JAKMIP2: variants seen among roughly 807,000 people sequenced by gnomAD.
JAKMIP2 encodes the protein janus kinase and microtubule-interacting protein 2.
JAKMIP2 carries 25 observed loss-of-function variants against 115.0 expected under a neutral mutation model. That is an observed-to-expected ratio of 0.22 (90% CI 0.16 to 0.30). The LOEUF (loss-of-function observed/expected upper bound fraction) is 0.30, where lower values mean the gene tolerates loss of function less well. Among genes scored for constraint, JAKMIP2 ranks in the 10% least tolerant of loss-of-function variants. The pLI is 1.00. For missense variants in JAKMIP2, 642 were observed against 957.6 expected, an observed-to-expected ratio of 0.67 and a Z score of 4.35; for synonymous variants, 334 against 343.6, an observed-to-expected ratio of 0.97 and a Z score of 0.31.
intron 21 of JAKMIP2, chr5:147,595,523 T>G (rs1464159096): frequency 2.2e-6 from 1 of 455,300 alleles, no homozygotes; most frequent in Non-Finnish European, 4.4e-6. Context: ...CGATCTTCAA[T>G]TTCCAGCCTC....
chr5:147,776,797 G>T (rs1755573626), intron 1 of JAKMIP2, among the ~76,000 whole-genome samples: 1 of 151,996 alleles, frequency 6.6e-6, no homozygotes, highest in African/African-American at 2.4e-5. Flanking sequence ...GCACGGTGGT[G>T]AGCACCTGTA....
At chr5:147,596,572 C>A (rs574473768) in intron 21 of JAKMIP2, among the ~76,000 whole-genome samples, 1 of 152,162 alleles carries the variant, frequency 6.6e-6, no homozygotes, top group Non-Finnish European at 1.5e-5. Flanking sequence ...ATTCATTTTC[C>A]CAGCTATTCA....
Position 147,587,242 on chromosome 5 carries a change from T to C in JAKMIP2, c.*4465A>G, listed in dbSNP as rs888992981. ...ATCTAAGATTTGCTTTGAATGTTTATCATTCAAAAGTTATATTGAATTTTT... is the reference window on the plus strand; with the variant it reads ...ATCTAAGATTTGCTTTGAATGTTTACCATTCAAAAGTTATATTGAATTTTT... On this transcript the variant is annotated 3_prime_UTR_variant, in exon 22 of 22. Coordinates refer to ENST00000616793, the MANE Select transcript of JAKMIP2 (RefSeq NM_001270941.2). The C allele has an allele frequency of 6.6e-6, 1 of 152,190 alleles. No homozygotes were observed. Among genetic ancestry groups the C allele is most frequent in the Admixed American group, 6.5e-5 (1 of 15,278 alleles). 9.4% of individuals were successfully genotyped at this position (152,190 alleles called of 1,614,324 possible). A position where few individuals can be genotyped will look rare whatever the true frequency, so the allele number is the denominator to read the frequency against.
intron 17 of JAKMIP2, among the ~76,000 whole-genome samples, chr5:147,621,914 C>T (rs996258991): frequency 6.6e-5 from 10 of 152,132 alleles, no homozygotes; most frequent in African/African-American, 2.4e-4. Context: ...GTTGCCCAGG[C>T]TGGAGTGCAA....
intron 1 of JAKMIP2, among the ~76,000 whole-genome samples, chr5:147,742,155 A>ATATATATATATTTTTTT: frequency 2.4e-4 from 26 of 108,874 alleles, no homozygotes; most frequent in African/African-American, 8.3e-4. Flanking sequence ...ATATATATAT[A>ATATATATATATTTTTTT]TTTTTTTTAC....
chr5:147,774,663 A>G (rs895802436), intron 1 of JAKMIP2, among the ~76,000 whole-genome samples: 4 of 152,290 alleles, frequency 2.6e-5, no homozygotes, highest in Admixed American at 2.0e-4. Flanking sequence ...AGGGCCTTAA[A>G]TATACGTCAG....
chr5:147,705,420 T>C (rs1026562960), intron 1 of JAKMIP2, among the ~76,000 whole-genome samples: 14 of 152,044 alleles, frequency 9.2e-5, no homozygotes, highest in Non-Finnish European at 1.8e-4. Context: ...CTGTGCAACA[T>C]GGAGAAACCC....
intron 5 of JAKMIP2, among the ~76,000 whole-genome samples, chr5:147,647,800 C>G (rs2061909520): frequency 6.6e-6 from 1 of 152,228 alleles, no homozygotes. Flanking sequence ...AATTCTACTC[C>G]TCTGCATATT....
At chr5:147,743,041 C>T (rs1295363032) in intron 1 of JAKMIP2, among the ~76,000 whole-genome samples, 2 of 152,096 alleles carry the variant, frequency 1.3e-5, no homozygotes, top group Non-Finnish European at 2.9e-5. Flanking sequence ...CCAAATAGTA[C>T]CTGTAATCAT....
At chr5:147,689,944 A>T (rs938929486) in intron 1 of JAKMIP2, among the ~76,000 whole-genome samples, 1 of 152,228 alleles carries the variant, frequency 6.6e-6, no homozygotes, top group Non-Finnish European at 1.5e-5. Context: ...TAACTATGTA[A>T]GTTACATAGT....
Position 147,633,163 on chromosome 5 carries a change from T to C in JAKMIP2, c.1678-385A>G, listed in dbSNP as rs1456420193. 2.0e-5 allele frequency among the ~76,000 whole-genome samples: 3 copies of C among 152,032 alleles called. 1 individual carries two copies. The South Asian group carries it at 6.2e-4, about 32-fold the overall frequency. On this transcript the variant is annotated intron_variant, in intron 12 of 21. Transcript: ENST00000616793. ...TCTCGAGTTATATTTGTTACAGAAATTTTTTTTAACAGCTATCATCATACA... is the reference window on the plus strand; with the variant it reads ...TCTCGAGTTATATTTGTTACAGAAACTTTTTTTAACAGCTATCATCATACA...
intron 1 of JAKMIP2, among the ~76,000 whole-genome samples, chr5:147,711,557 C>T (rs781253450): frequency 2.0e-5 from 3 of 152,176 alleles, no homozygotes; most frequent in Non-Finnish European, 4.4e-5. Flanking sequence ...TTTATTAAGC[C>T]TCAGTTTCCT....
intron 1 of JAKMIP2, among the ~76,000 whole-genome samples, chr5:147,716,632 A>C (rs1332943130): frequency 6.6e-6 from 1 of 151,338 alleles, no homozygotes; most frequent in African/African-American, 2.4e-5. Context: ...TTTTGGCTGC[A>C]TAAATGTCTT....
intron 9 of JAKMIP2, 117 bp from the exon 10 acceptor site, chr5:147,639,877 T>C: frequency 8.5e-7 from 1 of 1,176,884 alleles, no homozygotes; most frequent in Non-Finnish European, 1.2e-6. Context: ...TTTAACAGTC[T>C]ATTTGATTTT....
rs539818341 is a variant in JAKMIP2, at chr5:147,758,866, C to T, written c.-149+23590G>A. On this transcript the variant is annotated intron_variant, in intron 1 of 21. Transcript: ENST00000616793. ...AGTCCCAAGAATGCAATTTATTGAA[C>T]TATGTATAGTGCAGGTGCATTGTTT... 3.1e-4 allele frequency among the ~76,000 whole-genome samples: 47 copies of T among 152,120 alleles called. 1 individual carries two copies. The highest frequency in any genetic ancestry group is 6.2e-4 in the Non-Finnish European group (42 of 68,010).
intron 1 of JAKMIP2, among the ~76,000 whole-genome samples, chr5:147,707,214 T>C (rs1752613193): frequency 1.3e-5 from 2 of 152,158 alleles, no homozygotes; most frequent in African/African-American, 4.8e-5. Context: ...CAACCAGTAT[T>C]AATAAGTGCA....
At chr5:147,731,520 TAAC>T (rs1753733120) in intron 1 of JAKMIP2, among the ~76,000 whole-genome samples, 1 of 152,248 alleles carries the variant, frequency 6.6e-6, no homozygotes, top group Non-Finnish European at 1.5e-5. Context: ...GTTTCTCAAA[TAAC>T]ATACTTAAGT....
chr5:147,591,224 T>C lies in JAKMIP2; in HGVS notation c.*483A>G, dbSNP rs572453545. On this transcript the variant is annotated 3_prime_UTR_variant, in exon 22 of 22. Transcript: ENST00000616793. ...TTCACTCCCCACCCACCCTTGTTTT[T>C]TTTGTTTGTTTGTTTTGATCTTTTA... 3.2e-5 allele frequency: 5 copies of C among 156,998 alleles called. No individual in the cohort carries two copies. The highest frequency in any genetic ancestry group is 1.2e-4 in the African/African-American group (5 of 41,502). 9.7% of individuals were successfully genotyped at this position (156,998 alleles called of 1,614,324 possible).
intron 1 of JAKMIP2, among the ~76,000 whole-genome samples, chr5:147,696,579 A>G (rs1752116736): frequency 1.3e-5 from 2 of 152,132 alleles, no homozygotes; most frequent in Admixed American, 1.3e-4. Flanking sequence ...AATACAGTAA[A>G]TTGGTACTGC....
Sources: allele counts gnomAD v4.1 joint callset (sites outside exome capture counted in the v4.1 genomes callset), GRCh38; gene constraint gnomAD v4.1.1; transcripts MANE v1.5; gene names NCBI Gene and HGNC (gene_info 2026-07-23, HGNC 2026-07-21).